Variants in SNAP91 observed in about 807,000 individuals in gnomAD.
SNAP91 encodes clathrin coat assembly protein AP180.
In SNAP91, 27 loss-of-function variants were observed where a neutral mutation model predicts 100.3. That is an observed-to-expected ratio of 0.27 (90% confidence interval 0.20 to 0.37). SNAP91 has a LOEUF of 0.37. Among genes scored for constraint, SNAP91 ranks in the 10% least tolerant of loss-of-function variants. SNAP91 has a pLI of 1.00. For synonymous variants in SNAP91, 404 were observed against 398.6 expected (o/e 1.01, Z -0.16); for missense variants, 986 against 1,123.7 (o/e 0.88, Z 1.75).
chr6:83,679,234 C>T (rs576423343), intron 2 of SNAP91, among the ~76,000 whole-genome samples: 1 of 152,172 alleles, frequency 6.6e-6, no homozygotes, highest in African/African-American at 2.4e-5. Context: ...TGAGCTTCCA[C>T]GGGATTTGGT....
intron 5 of SNAP91, among the ~76,000 whole-genome samples, chr6:83,660,780 CTT>C (rs113422614): frequency 4.1e-5 from 6 of 145,964 alleles, no homozygotes; most frequent in East Asian, 2.0e-4. Flanking sequence ...TATTTTCCAT[CTT>C]TTTTTTTTTT....
intron 8 of SNAP91, among the ~76,000 whole-genome samples, chr6:83,638,649 A>G (rs1205176293): frequency 6.6e-6 from 1 of 152,222 alleles, no homozygotes; most frequent in Non-Finnish European, 1.5e-5. Context: ...TGGATCCCTA[A>G]TACTGAAATC....
intron 16 of SNAP91, among the ~76,000 whole-genome samples, chr6:83,599,330 A>ATAG (rs1423930084): frequency 6.6e-6 from 1 of 152,228 alleles, no homozygotes; most frequent in African/African-American, 2.4e-5. Flanking sequence ...GAAACAAAAA[A>ATAG]TCTAAACAGC....
intron 25 of SNAP91, among the ~76,000 whole-genome samples, chr6:83,575,789 A>G (rs1301387006): frequency 3.3e-5 from 5 of 152,248 alleles, no homozygotes; most frequent in Non-Finnish European, 5.9e-5. Context: ...GATATAACTT[A>G]GTGACAATCT....
chr6:83,581,235 A>G (rs1235700141), intron 23 of SNAP91, among the ~76,000 whole-genome samples: 1 of 152,208 alleles, frequency 6.6e-6, no homozygotes, highest in Non-Finnish European at 1.5e-5. Flanking sequence ...GTCAGCATCT[A>G]GTAATAGGTA....
chr6:83,559,951 C>G (rs2127819530), intron 28 of SNAP91, among the ~76,000 whole-genome samples, 153 bp downstream of exon 28: 1 of 152,318 alleles, frequency 6.6e-6, no homozygotes, highest in African/African-American at 2.4e-5. Context: ...CCAAATCTCA[C>G]TTTTGCAGAT....
chr6:83,604,949 T>C (rs1022082433), intron 14 of SNAP91, among the ~76,000 whole-genome samples: 2 of 152,168 alleles, frequency 1.3e-5, no homozygotes, highest in African/African-American at 4.8e-5. Flanking sequence ...CTTAAACTTT[T>C]TGAAAATTTT....
chr6:83,611,209 C>G (rs996716595), intron 11 of SNAP91, among the ~76,000 whole-genome samples: 2 of 152,070 alleles, frequency 1.3e-5, no homozygotes, highest in African/African-American at 4.8e-5. Context: ...TGTTTTCCCC[C>G]CCCATGGCTG....
At chr6:83,574,053 T>C in intron 26 of SNAP91, among the ~76,000 whole-genome samples, 1 of 152,322 alleles carries the variant, frequency 6.6e-6, no homozygotes, top group East Asian at 1.9e-4. Flanking sequence ...TTAGAATTTA[T>C]ATTAATTTAC....
intron 7 of SNAP91, among the ~76,000 whole-genome samples, chr6:83,651,113 A>C (rs1272074537): frequency 6.6e-6 from 1 of 151,906 alleles, no homozygotes; most frequent in Non-Finnish European, 1.5e-5. Context: ...CCCCTCTTTA[A>C]TTTCTGTTAT....
At chr6:83,670,282 T>C (rs2098760039) in intron 2 of SNAP91, among the ~76,000 whole-genome samples, 1 of 151,450 alleles carries the variant, frequency 6.6e-6, no homozygotes, top group Non-Finnish European at 1.5e-5. Context: ...TATGTTGTGA[T>C]ATCTCTCGGT....
chr6:83,626,566 T>A (rs2096938807), intron 8 of SNAP91, among the ~76,000 whole-genome samples: 2 of 152,256 alleles, frequency 1.3e-5, no homozygotes, highest in South Asian at 4.1e-4. Context: ...CTTGTAGAGA[T>A]CTTTTATCTC....
At chr6:83,568,277 T>C (rs1800262681) in intron 26 of SNAP91, among the ~76,000 whole-genome samples, 1 of 151,636 alleles carries the variant, frequency 6.6e-6, no homozygotes, top group Admixed American at 6.6e-5. Context: ...TTCTCACTCA[T>C]AGGTGGGAAT....
Position 83,680,785 on chromosome 6 carries a change from A to G in SNAP91, c.131-15204T>C, listed in dbSNP as rs574048927. Among the ~76,000 whole-genome samples the G allele has an allele frequency of 4.6e-5, 7 of 152,222 alleles. No individual in the cohort carries two copies. The South Asian group carries it at 1.5e-3, about 32-fold the overall frequency. On this transcript the variant is annotated intron_variant, in intron 2 of 29. Transcript: ENST00000369694. ...CCACCACCCACAAGATGCCAATAGA[A>G]TCCCCCTTCCCTCCAAGACAATCAA...
At chr6:83,645,501 T>A (rs113474556) in intron 7 of SNAP91, among the ~76,000 whole-genome samples, 1 of 152,102 alleles carries the variant, frequency 6.6e-6, no homozygotes, top group Admixed American at 6.5e-5. Context: ...TTTGGACAAA[T>A]GTATAATGAC....
Position 83,617,630 on chromosome 6 carries a change from CTT to C in SNAP91, c.808-593_808-592del, listed in dbSNP as rs1298935819. Among the ~76,000 whole-genome samples the C allele has an allele frequency of 1.3e-3, 197 of 151,168 alleles. 1 individual carries two copies. Among genetic ancestry groups the C allele is most frequent in the Non-Finnish European group, 3.4e-4 (23 of 67,610 alleles). On this transcript the variant is annotated intron_variant, in intron 9 of 29. Transcript: ENST00000369694. ...TATATTTATATGTATAATAAAGTAA[CTT>C]TTAGCAAATATAATATCAGAGCACT...
At position 83,553,070 on chromosome 6, in the gene SNAP91, A is replaced by G. The variant is rs1389340772; in HGVS notation, c.*1226T>C. The G allele has an allele frequency of 6.6e-6, 1 of 152,578 alleles. No individual in the cohort carries two copies. Among genetic ancestry groups the G allele is most frequent in the Non-Finnish European group, 1.5e-5 (1 of 68,040 alleles). The allele number at this position is 152,578 out of a possible 1,614,324, so 9.5% of individuals were successfully genotyped here. A position where few individuals can be genotyped will look rare whatever the true frequency, so the allele number is the denominator to read the frequency against. On this transcript the variant is annotated 3_prime_UTR_variant, in exon 30 of 30. Transcript: ENST00000369694. The stretch of plus-strand genomic sequence containing the variant: ...TTTTAAATGGTACCATACATCTATT[A>G]AATAATTTGAAAAATAGGCAAACAC...
intron 22 of SNAP91, among the ~76,000 whole-genome samples, chr6:83,588,983 G>A (rs1018258465): frequency 6.6e-6 from 1 of 152,166 alleles, no homozygotes. Flanking sequence ...GAGAAAGAAA[G>A]AATTCATAGG....
At chr6:83,609,566 T>C (rs571823536) in intron 12 of SNAP91, among the ~76,000 whole-genome samples, 1 of 152,166 alleles carries the variant, frequency 6.6e-6, no homozygotes, top group African/African-American at 2.4e-5. Context: ...AGCAATTATA[T>C]AATGGAAATT....
Sources: allele counts gnomAD v4.1 joint callset (sites outside exome capture counted in the v4.1 genomes callset), GRCh38; gene constraint gnomAD v4.1.1; transcripts MANE v1.5; gene names NCBI Gene and HGNC (gene_info 2026-07-23, HGNC 2026-07-21).